SNTG1: variants seen among roughly 807,000 people sequenced by gnomAD.
The protein encoded by SNTG1 is syntrophin gamma 1.
A neutral mutation model predicts 74.7 loss-of-function variants in SNTG1; 39 were observed. That is an observed-to-expected ratio of 0.52 (90% CI 0.40 to 0.68). The LOEUF is 0.68. Ranked by LOEUF, SNTG1 falls within the 30% of genes least tolerant of loss-of-function variation. SNTG1 has a pLI of 0.00. For missense variants in SNTG1, 685 were observed against 609.5 expected (o/e 1.12, Z -1.30); for synonymous variants, 254 against 217.1 (o/e 1.17, Z -1.49).
chr8:50,367,793 A>C (rs917651065), intron 2 of SNTG1, among the ~76,000 whole-genome samples: 1 of 152,098 alleles, frequency 6.6e-6, no homozygotes, highest in African/African-American at 2.4e-5. Context: ...ACACACACAC[A>C]CGCACACATG....
intron 17 of SNTG1, among the ~76,000 whole-genome samples, chr8:50,725,724 T>C (rs1306745528): frequency 6.6e-6 from 1 of 152,170 alleles, no homozygotes; most frequent in Non-Finnish European, 1.5e-5. Context: ...TCCCCTGCAA[T>C]AGACCTGAAG....
At chr8:50,036,079 A>G (rs1818135927) in intron 1 of SNTG1, among the ~76,000 whole-genome samples, 1 of 152,192 alleles carries the variant, frequency 6.6e-6, no homozygotes, top group Non-Finnish European at 1.5e-5. Flanking sequence ...ATGGTTTAGG[A>G]TGGTCGAAAT....
intron 1 of SNTG1, among the ~76,000 whole-genome samples, chr8:50,118,939 C>T (rs993869008): frequency 7.1e-6 from 1 of 140,298 alleles, no homozygotes; most frequent in African/African-American, 2.6e-5. Context: ...CTGTTTTCTG[C>T]TTGAGTGATG....
At chr8:49,984,223 G>A (rs1812943963) in intron 1 of SNTG1, among the ~76,000 whole-genome samples, 1 of 150,988 alleles carries the variant, frequency 6.6e-6, no homozygotes, top group African/African-American at 2.4e-5. Context: ...TTTTTTTGGT[G>A]AGACAGAGAT....
chr8:50,567,983 C>G (rs1264336624), intron 12 of SNTG1, among the ~76,000 whole-genome samples: 1 of 151,802 alleles, frequency 6.6e-6, no homozygotes, highest in Non-Finnish European at 1.5e-5. Context: ...ATTGGTCAAC[C>G]TCTCCCAATT....
At chr8:50,221,956 GAT>G (rs1206692897) in intron 2 of SNTG1, among the ~76,000 whole-genome samples, 1 of 152,170 alleles carries the variant, frequency 6.6e-6, no homozygotes, top group African/African-American at 2.4e-5. Context: ...GTTTTTCAAA[GAT>G]AGTTTGGTAG....
intron 2 of SNTG1, among the ~76,000 whole-genome samples, chr8:50,173,103 G>A (rs2082869878): frequency 1.3e-5 from 2 of 149,912 alleles, no homozygotes; most frequent in South Asian, 2.1e-4. Context: ...TGCTTGGCAG[G>A]GTGACTATAA....
In SNTG1 at chr8:50,796,219, A is replaced by G. The variant is rs1802806450; in HGVS notation, c.*3390A>G. The G allele has an allele frequency of 6.6e-6, 1 of 152,064 alleles. No homozygotes were observed. Among genetic ancestry groups the G allele is most frequent in the South Asian group, 2.1e-4 (1 of 4,832 alleles). 9.4% of individuals were successfully genotyped at this position (152,064 alleles called of 1,614,324 possible). A position where few individuals can be genotyped will look rare whatever the true frequency, so the allele number is the denominator to read the frequency against. Reference sequence around the variant, plus strand: ...CTGCTAGAAATCAGCAGTGTGGAGAAGCTTTAAAAGCACAAGGATGATCTT... The same window carrying G: ...CTGCTAGAAATCAGCAGTGTGGAGAGGCTTTAAAAGCACAAGGATGATCTT... On this transcript the variant is annotated 3_prime_UTR_variant, in exon 19 of 19. Coordinates refer to ENST00000642720, the MANE Select transcript of SNTG1 (RefSeq NM_018967.5).
chr8:50,632,741 C>A (rs1227816023), intron 13 of SNTG1, among the ~76,000 whole-genome samples: 2 of 152,184 alleles, frequency 1.3e-5, no homozygotes, highest in African/African-American at 2.4e-5. Context: ...TAGTAAGATG[C>A]ATGCCTTTCC....
At chr8:50,680,509 G>T (rs1259820555) in intron 15 of SNTG1, among the ~76,000 whole-genome samples, 1 of 152,104 alleles carries the variant, frequency 6.6e-6, no homozygotes, top group East Asian at 1.9e-4. Flanking sequence ...GTTGTTCTTA[G>T]TAGGCATCAT....
chr8:50,667,179 G>A (rs1048144632), intron 15 of SNTG1, among the ~76,000 whole-genome samples: 59 of 152,012 alleles, frequency 3.9e-4, no homozygotes, highest in African/African-American at 1.4e-3. Flanking sequence ...TAAAGGTTTG[G>A]GAGAGACCAA....
At chr8:50,376,745 A>G (rs965449672) in intron 2 of SNTG1, among the ~76,000 whole-genome samples, 1 of 118,734 alleles carries the variant, frequency 8.4e-6, no homozygotes, top group African/African-American at 3.0e-5. Flanking sequence ...ATATATATAT[A>G]TATATATATA....
At chr8:50,268,555 C>A (rs2087600322) in intron 2 of SNTG1, among the ~76,000 whole-genome samples, 1 of 151,978 alleles carries the variant, frequency 6.6e-6, no homozygotes, top group African/African-American at 2.4e-5. Flanking sequence ...CTACAGCAAA[C>A]AAGACAGCAT....
Position 50,205,159 on chromosome 8 carries a change from T to C in SNTG1, c.-28+32524T>C, listed in dbSNP as rs571140500. On this transcript the variant is annotated intron_variant, in intron 2 of 18. Transcript: ENST00000642720. The stretch of plus-strand genomic sequence containing the variant: ...GGAATCACCACACTGTCTTCCACAA[T>C]GGTTGAACAAGTTTACAGTCCCAAC... Among the ~76,000 whole-genome samples, 8 of 152,302 alleles carry C rather than the reference T, an allele frequency of 5.3e-5. 1 individual carries two copies. Among genetic ancestry groups the C allele is most frequent in the African/African-American group, 1.7e-4 (7 of 41,572 alleles).
At chr8:50,006,250 C>T (rs578241076) in intron 1 of SNTG1, among the ~76,000 whole-genome samples, 2 of 152,204 alleles carry the variant, frequency 1.3e-5, no homozygotes, top group East Asian at 1.9e-4. Context: ...CGTGAGCCAC[C>T]GTGCCCGGCC....
chr8:50,773,391 A>G (rs2095632223), intron 18 of SNTG1, among the ~76,000 whole-genome samples: 1 of 152,134 alleles, frequency 6.6e-6, no homozygotes, highest in Admixed American at 6.6e-5. Context: ...GGCTAGCCTT[A>G]AAGATCTGTG....
intron 12 of SNTG1, among the ~76,000 whole-genome samples, chr8:50,577,583 G>A (rs962412876): frequency 2.1e-5 from 3 of 145,146 alleles, no homozygotes; most frequent in Non-Finnish European, 4.5e-5. Flanking sequence ...GATTGGTGTA[G>A]TACTTCTTTA....
At chr8:49,987,446 C>A (rs1033776730) in intron 1 of SNTG1, among the ~76,000 whole-genome samples, 1 of 152,078 alleles carries the variant, frequency 6.6e-6, no homozygotes, top group Non-Finnish European at 1.5e-5. Context: ...CTTGGGGTCA[C>A]AACAACCTCA....
chr8:50,053,373 T>C (rs1819742908), intron 1 of SNTG1, among the ~76,000 whole-genome samples: 1 of 152,152 alleles, frequency 6.6e-6, no homozygotes, highest in South Asian at 2.1e-4. Context: ...ATATGTAATG[T>C]CCAGAATAAG....
Sources: allele counts gnomAD v4.1 joint callset (sites outside exome capture counted in the v4.1 genomes callset), GRCh38; gene constraint gnomAD v4.1.1; transcripts MANE v1.5; gene names NCBI Gene and HGNC (gene_info 2026-07-23, HGNC 2026-07-21).